ABLIM1: variants seen among roughly 807,000 people sequenced by gnomAD.
The protein encoded by ABLIM1 is actin-binding LIM protein 1.
Under a neutral mutation model 107.0 loss-of-function variants are expected in ABLIM1, and 40 were observed. The ratio of observed to expected loss-of-function variants is 0.37; its 90% CI spans 0.29 to 0.49. The LOEUF is 0.49. Ranked by LOEUF, ABLIM1 falls within the 20% of genes least tolerant of loss-of-function variation. The pLI, the probability that ABLIM1 is intolerant of heterozygous loss-of-function variation, is 0.97. For synonymous variants in ABLIM1, 357 were observed against 357.3 expected (o/e 1.00, Z 0.01); for missense variants, 857 against 1,008.5 (o/e 0.85, Z 2.04).
chr10:114,505,513 T>C (rs1169872797), intron 6 of ABLIM1, among the ~76,000 whole-genome samples: 1 of 152,168 alleles, frequency 6.6e-6, no homozygotes, highest in Admixed American at 6.5e-5. Flanking sequence ...AGTTGCCAAA[T>C]AGTACAATTA....
chr10:114,516,075 T>A (rs1339530491), intron 6 of ABLIM1, among the ~76,000 whole-genome samples: 1 of 146,440 alleles, frequency 6.8e-6, no homozygotes, highest in Non-Finnish European at 1.5e-5. Context: ...TCTAAGGGAG[T>A]GAGGTGAGCA....
At chr10:114,778,765 C>T in the ABLIM1 span, 25 of 152,228 alleles carry the variant, frequency 1.6e-4, 1 homozygote, top group Admixed American at 1.6e-3. Flanking sequence ...TCTTGTCCCT[C>T]CCATTCCTTT....
chr10:114,471,987 T>C (rs1358639264), intron 10 of ABLIM1, among the ~76,000 whole-genome samples: 2 of 149,842 alleles, frequency 1.3e-5, no homozygotes, highest in East Asian at 4.0e-4. Flanking sequence ...CCTTCAACCC[T>C]GAGATGGGAC....
intron 17 of ABLIM1, among the ~76,000 whole-genome samples, chr10:114,442,049 G>A (rs953421171): frequency 4.6e-5 from 7 of 152,150 alleles, no homozygotes; most frequent in Non-Finnish European, 1.0e-4. Context: ...CTGGCATGGA[G>A]CTAAGTGTTC....
intron 12 of ABLIM1, among the ~76,000 whole-genome samples, chr10:114,457,517 C>T (rs1044591884): frequency 5.3e-5 from 8 of 152,026 alleles, no homozygotes; most frequent in African/African-American, 9.7e-5. Flanking sequence ...TGATCTGTGG[C>T]GCCTTGGCCT....
chr10:114,496,250 GCAGGAC>G (rs927593941), intron 6 of ABLIM1, among the ~76,000 whole-genome samples: 1 of 152,186 alleles, frequency 6.6e-6, no homozygotes, highest in African/African-American at 2.4e-5. Flanking sequence ...GCCCCATGTG[GCAGGAC>G]TTCGCTCTAT....
intron 1 of ABLIM1, among the ~76,000 whole-genome samples, chr10:114,646,754 G>A (rs1591721680): frequency 1.3e-5 from 2 of 152,156 alleles, no homozygotes; most frequent in African/African-American, 4.8e-5. Context: ...ATAGAAAAAT[G>A]AACTGGATCA....
upstream of ABLIM1, among the ~76,000 whole-genome samples, chr10:114,660,071 C>T (rs1239680137): frequency 6.6e-6 from 1 of 152,200 alleles, no homozygotes; most frequent in African/African-American, 2.4e-5. Flanking sequence ...GGCACTCAGA[C>T]TGAGGTGGAC....
At chr10:114,528,667 G>A (rs927157953) in intron 6 of ABLIM1, among the ~76,000 whole-genome samples, 3 of 152,334 alleles carry the variant, frequency 2.0e-5, no homozygotes, top group Admixed American at 2.0e-4. Flanking sequence ...CAGATTCCCA[G>A]GCCTCCTGAA....
chr10:114,661,616 G>A (rs1187127639), upstream of ABLIM1, among the ~76,000 whole-genome samples: 1 of 152,086 alleles, frequency 6.6e-6, no homozygotes, highest in Non-Finnish European at 1.5e-5. Context: ...GAGTGCAGTG[G>A]GTTTTGTGAC....
chr10:114,781,364 C>T, the ABLIM1 span, among the ~76,000 whole-genome samples: 7 of 151,616 alleles, frequency 4.6e-5, no homozygotes, highest in African/African-American at 9.7e-5. Flanking sequence ...ATTAGCTGGG[C>T]GTGGTGGTGC....
chr10:114,556,008 T>C (rs773032130), intron 4 of ABLIM1, among the ~76,000 whole-genome samples: 15 of 152,230 alleles, frequency 9.9e-5, no homozygotes, highest in South Asian at 2.1e-4. Context: ...CCTTATAAAA[T>C]ATCCTTTTAA....
rs1035031514 is a variant in ABLIM1 at position 114,681,489 on chromosome 10, C to T, written c.64+2801G>A. 2.6e-5 allele frequency among the ~76,000 whole-genome samples: 4 copies of T among 152,370 alleles called. No individual in the cohort carries two copies. The South Asian group carries it at 8.3e-4, about 32-fold the overall frequency. On this transcript the variant is annotated intron_variant, in intron 1 of 23. Coordinates refer to the ABLIM1 transcript ENST00000369256. The stretch of plus-strand genomic sequence containing the variant: ...GGATTATAGGCATGAGCCATCACGC[C>T]TGGCCTAAACCATTTAAAAATAGTC...
At chr10:114,632,738 C>G in intron 1 of ABLIM1, 1 of 985,368 alleles carries the variant, frequency 1.0e-6, no homozygotes, top group Admixed American at 6.1e-5. Flanking sequence ...TTGACTTCCC[C>G]CTTCTCCCTC....
Position 114,630,435 on chromosome 10 carries a change from C to T in ABLIM1, c.244+27522G>A, listed in dbSNP as rs957344139. Among the ~76,000 whole-genome samples the T allele has an allele frequency of 9.2e-5, 14 of 152,214 alleles. No individual in the cohort carries two copies. The East Asian group carries it at 1.9e-3, about 21-fold the overall frequency. On this transcript the variant is annotated intron_variant, in intron 1 of 22. Coordinates refer to ENST00000533213, the MANE Select transcript of ABLIM1 (RefSeq NM_002313.7). ...TTATTAGAAGCACCTTTATTCACAC[C>T]GAATCATTTCACTCAATTACCATTT...
intron 1 of ABLIM1, among the ~76,000 whole-genome samples, chr10:114,678,494 C>T (rs2080593530): frequency 1.3e-5 from 2 of 152,204 alleles, no homozygotes; most frequent in Admixed American, 1.3e-4. Context: ...GGTCTGTAAA[C>T]TAATGCCTGC....
chr10:114,469,978 G>A (rs1483522050), intron 10 of ABLIM1, among the ~76,000 whole-genome samples: 1 of 152,154 alleles, frequency 6.6e-6, no homozygotes, highest in Admixed American at 6.5e-5. Context: ...GGTCTCCTCT[G>A]CAGCTACAGC....
intron 1 of ABLIM1, among the ~76,000 whole-genome samples, chr10:114,611,135 G>T (rs761204687): frequency 2.0e-5 from 3 of 148,246 alleles, no homozygotes; most frequent in Non-Finnish European, 4.4e-5. Context: ...CCTGGGGACA[G>T]AGCAAGACTC....
At chr10:114,499,211 A>G (rs1195885128) in intron 6 of ABLIM1, among the ~76,000 whole-genome samples, 1 of 152,218 alleles carries the variant, frequency 6.6e-6, no homozygotes, top group Non-Finnish European at 1.5e-5. Flanking sequence ...CAGGAATTTC[A>G]CTGATGATAG....
Sources: allele counts gnomAD v4.1 joint callset (sites outside exome capture counted in the v4.1 genomes callset), GRCh38; gene constraint gnomAD v4.1.1; transcripts MANE v1.5; gene names NCBI Gene and HGNC (gene_info 2026-07-23, HGNC 2026-07-21).